The following PCDH7 variants were observed in gnomAD, a reference collection of about 807,000 sequenced individuals.
PCDH7 encodes protocadherin-7.
In PCDH7, 17 loss-of-function variants were observed where a neutral mutation model predicts 58.9. The observed-to-expected ratio is 0.29, with a 90% confidence interval of 0.20 to 0.43. The LOEUF is 0.43. PCDH7 is among the 20% of genes least tolerant of loss of function. PCDH7 has a pLI of 1.00. For synonymous variants in PCDH7, 664 were observed against 616.4 expected (o/e 1.08, Z -1.14); for missense variants, 1,274 against 1,441.0 (o/e 0.88, Z 1.88).
chr4:30,927,871 A>C (rs898285866), intron 2 of PCDH7, among the ~76,000 whole-genome samples: 3 of 152,124 alleles, frequency 2.0e-5, no homozygotes, highest in Non-Finnish European at 4.4e-5. Flanking sequence ...ACCAAAAAAC[A>C]AAAAAACCTT....
intron 1 of PCDH7, among the ~76,000 whole-genome samples, chr4:30,798,629 ATATAAATTT>A (rs1158159249): frequency 6.6e-6 from 1 of 152,196 alleles, no homozygotes; most frequent in East Asian, 1.9e-4. Context: ...AATAACTTTA[ATATAAATTT>A]TTAAAAATTA....
chr4:30,855,983 G>A (rs1201826083), intron 1 of PCDH7, among the ~76,000 whole-genome samples: 1 of 152,080 alleles, frequency 6.6e-6, no homozygotes, highest in African/African-American at 2.4e-5. Flanking sequence ...GCAGTGACAA[G>A]TAATTTTATT....
At chr4:30,752,076 T>A (rs565967433) in intron 1 of PCDH7, among the ~76,000 whole-genome samples, 2 of 152,264 alleles carry the variant, frequency 1.3e-5, no homozygotes, top group African/African-American at 4.8e-5. Flanking sequence ...GTTCCTATCT[T>A]TCCACTCTTC....
intron 3 of PCDH7, among the ~76,000 whole-genome samples, chr4:30,998,436 T>C (rs1397761447): frequency 1.3e-5 from 2 of 152,196 alleles, no homozygotes; most frequent in East Asian, 3.8e-4. Context: ...TGTAGTTGTC[T>C]GACTGAGATA....
At chr4:30,744,904 C>T (rs1019135451) in intron 1 of PCDH7, among the ~76,000 whole-genome samples, 3 of 152,174 alleles carry the variant, frequency 2.0e-5, no homozygotes, top group Non-Finnish European at 4.4e-5. Context: ...TTTAGTCATT[C>T]TATGATTTTG....
intron 1 of PCDH7, among the ~76,000 whole-genome samples, chr4:30,868,353 A>G (rs1287496665): frequency 6.6e-6 from 1 of 152,072 alleles, no homozygotes; most frequent in Non-Finnish European, 1.5e-5. Context: ...TTCAAGTGGT[A>G]TGTCAGATTG....
chr4:30,849,847 G>C (rs561410130), intron 1 of PCDH7, among the ~76,000 whole-genome samples: 4 of 152,204 alleles, frequency 2.6e-5, no homozygotes, highest in Non-Finnish European at 4.4e-5. Context: ...TCTGTGAGTA[G>C]AGACATATCT....
At chr4:31,042,589 G>A (rs909928577) in intron 3 of PCDH7, among the ~76,000 whole-genome samples, 7 of 151,970 alleles carry the variant, frequency 4.6e-5, no homozygotes, top group African/African-American at 1.7e-4. Context: ...GGGTCCTGTG[G>A]GAAGCATTGG....
intron 1 of PCDH7, among the ~76,000 whole-genome samples, chr4:30,810,776 A>G (rs1726894845): frequency 6.6e-6 from 1 of 151,884 alleles, no homozygotes; most frequent in African/African-American, 2.4e-5. Flanking sequence ...ACACCCGGCT[A>G]ATTTTTGTAT....
At chr4:30,947,151 T>G (rs190736864) in intron 2 of PCDH7, among the ~76,000 whole-genome samples, 43 of 152,242 alleles carry the variant, frequency 2.8e-4, no homozygotes, top group Middle Eastern at 6.8e-3. Flanking sequence ...CCTCTTAATA[T>G]CTGTACTTCT....
chr4:31,141,301 G>A (rs1462700746), intron 3 of PCDH7, among the ~76,000 whole-genome samples: 4 of 152,156 alleles, frequency 2.6e-5, no homozygotes, highest in African/African-American at 7.2e-5. Context: ...GGTCAAATTC[G>A]TCAGTCTTTA....
At chr4:31,104,365 G>GA (rs1319544755) in intron 3 of PCDH7, among the ~76,000 whole-genome samples, 3 of 152,016 alleles carry the variant, frequency 2.0e-5, no homozygotes, top group African/African-American at 4.8e-5. Flanking sequence ...GCAAGTGGAA[G>GA]AAAAAAACAT....
At chr4:30,970,393 C>T (rs1351142597) in intron 3 of PCDH7, among the ~76,000 whole-genome samples, 1 of 151,742 alleles carries the variant, frequency 6.6e-6, no homozygotes, top group Non-Finnish European at 1.5e-5. Flanking sequence ...CTGCCGTGTT[C>T]ACGCCATTCT....
At chr4:30,730,077 G>A (rs905228458) in intron 1 of PCDH7, among the ~76,000 whole-genome samples, 2 of 151,588 alleles carry the variant, frequency 1.3e-5, no homozygotes, top group Non-Finnish European at 1.5e-5. Context: ...ATGTGGTGGT[G>A]GAGATTATGT....
intron 1 of PCDH7, among the ~76,000 whole-genome samples, chr4:30,893,138 G>A (rs1210086507): frequency 1.3e-5 from 2 of 151,984 alleles, no homozygotes; most frequent in African/African-American, 4.8e-5. Context: ...CACTCTATTT[G>A]TTCTGTGTCA....
intron 3 of PCDH7, among the ~76,000 whole-genome samples, chr4:31,102,947 ATAATT>A (rs1415901179): frequency 6.6e-6 from 1 of 152,342 alleles, no homozygotes; most frequent in Middle Eastern, 3.4e-3. Flanking sequence ...CGACAAATAT[ATAATT>A]TAGTTTGAAC....
At chr4:30,925,972 T>A (rs1743816423) in intron 2 of PCDH7, 1 of 152,216 alleles carries the variant, frequency 6.6e-6, no homozygotes, top group South Asian at 2.1e-4. Context: ...ATCCTGGCTT[T>A]ACCTCCTACA....
intron 3 of PCDH7, among the ~76,000 whole-genome samples, chr4:31,119,376 T>C (rs1717377963): frequency 6.6e-6 from 1 of 152,088 alleles, no homozygotes; most frequent in Non-Finnish European, 1.5e-5. Context: ...ATCCACACCC[T>C]TTACCTTAAG....
intron 1 of PCDH7, among the ~76,000 whole-genome samples, chr4:30,878,286 C>T (rs890280143): frequency 3.3e-5 from 5 of 152,100 alleles, no homozygotes; most frequent in African/African-American, 1.2e-4. Context: ...GAGTCCACTT[C>T]TGGACTGTTG....
Sources: allele counts gnomAD v4.1 joint callset (sites outside exome capture counted in the v4.1 genomes callset), GRCh38; gene constraint gnomAD v4.1.1; transcripts MANE v1.5; gene names NCBI Gene and HGNC (gene_info 2026-07-23, HGNC 2026-07-21).